ADAMTS6: variants seen among roughly 807,000 people sequenced by gnomAD.
The protein encoded by ADAMTS6 is ADAM metallopeptidase with thrombospondin type 1 motif 6, also known as A disintegrin and metalloproteinase with thrombospondin motifs 6.
In ADAMTS6, 23 loss-of-function variants were observed where a neutral mutation model predicts 144.3. The observed-to-expected ratio is 0.16, with a 90% CI of 0.11 to 0.23. The LOEUF is 0.23. Ranked by LOEUF, ADAMTS6 falls within the 10% of genes least tolerant of loss-of-function variation. The pLI is 1.00. For synonymous variants in ADAMTS6, 444 were observed against 457.5 expected, an observed-to-expected ratio of 0.97 and a Z score of 0.38; for missense variants, 999 against 1,379.6, an observed-to-expected ratio of 0.72 and a Z score of 4.37.
chr5:65,327,778 G>A (rs1231788070), intron 9 of ADAMTS6, among the ~76,000 whole-genome samples: 2 of 152,076 alleles, frequency 1.3e-5, no homozygotes, highest in Admixed American at 1.3e-4. Context: ...ATTTAAGTAC[G>A]TACATACAAG....
intron 12 of ADAMTS6, among the ~76,000 whole-genome samples, chr5:65,269,082 ACTCAT>A (rs1329990555): frequency 6.6e-6 from 1 of 152,112 alleles, no homozygotes. Flanking sequence ...AGACACACAA[ACTCAT>A]GCTTATACTC....
chr5:65,398,784 G>GAAAGAAAGAAAGA, intron 7 of ADAMTS6, among the ~76,000 whole-genome samples: 1 of 48,614 alleles, frequency 2.1e-5, no homozygotes, highest in South Asian at 9.2e-4. Flanking sequence ...GAGAGAGCAA[G>GAAAGAAAGAAAGA]AAAGAAAGAA....
At chr5:65,447,468 T>C (rs1758356857) in intron 7 of ADAMTS6, among the ~76,000 whole-genome samples, 1 of 152,102 alleles carries the variant, frequency 6.6e-6, no homozygotes, top group African/African-American at 2.4e-5. Context: ...CACACAATTT[T>C]TGTCAATTTA....
At chr5:65,319,675 G>A (rs1476999011) in intron 9 of ADAMTS6, among the ~76,000 whole-genome samples, 1 of 113,388 alleles carries the variant, frequency 8.8e-6, no homozygotes, top group Non-Finnish European at 1.8e-5. Context: ...AAAAGGAAGG[G>A]AGGGAGGGAG....
intron 7 of ADAMTS6, among the ~76,000 whole-genome samples, chr5:65,450,679 A>G (rs1205670282): frequency 6.6e-6 from 1 of 152,200 alleles, no homozygotes; most frequent in Non-Finnish European, 1.5e-5. Flanking sequence ...ATTAAAAACT[A>G]TAACAGATAG....
intron 11 of ADAMTS6, 44 bp downstream of exon 11, chr5:65,291,285 A>C (rs1411711235): frequency 6.4e-7 from 1 of 1,574,430 alleles, no homozygotes; most frequent in Non-Finnish European, 8.6e-7. Context: ...GTGTCATGGA[A>C]GAACACGTAT....
At chr5:65,423,283 T>C (rs928485316) in intron 7 of ADAMTS6, among the ~76,000 whole-genome samples, 3 of 152,168 alleles carry the variant, frequency 2.0e-5, no homozygotes, top group African/African-American at 7.2e-5. Context: ...AGTTCATCCA[T>C]GTAACCAAAA....
chr5:65,414,937 A>T (rs1755374813), intron 7 of ADAMTS6, among the ~76,000 whole-genome samples: 1 of 152,206 alleles, frequency 6.6e-6, no homozygotes, highest in Non-Finnish European at 1.5e-5. Context: ...ATGATTTCTG[A>T]GATATGACAC....
intron 9 of ADAMTS6, among the ~76,000 whole-genome samples, chr5:65,317,220 A>G (rs1163413389): frequency 6.6e-6 from 1 of 152,220 alleles, no homozygotes; most frequent in East Asian, 1.9e-4. Context: ...GGAGTTGTCA[A>G]CACTCCTCCC....
At chr5:65,312,880 T>C (rs1455648936) in intron 9 of ADAMTS6, among the ~76,000 whole-genome samples, 2 of 151,906 alleles carry the variant, frequency 1.3e-5, no homozygotes, top group African/African-American at 4.8e-5. Context: ...TATATAATAG[T>C]CATTGCAAAG....
intron 14 of ADAMTS6, among the ~76,000 whole-genome samples, chr5:65,256,981 CTCTCTTTT>C (rs1242551846): frequency 7.5e-6 from 1 of 132,704 alleles, no homozygotes; most frequent in African/African-American, 3.3e-5. Flanking sequence ...CTCTCTCTCT[CTCTCTTTT>C]TTTTTTTTTT....
At chr5:65,403,185 TTC>T (rs1209338302) in intron 7 of ADAMTS6, among the ~76,000 whole-genome samples, 1 of 152,128 alleles carries the variant, frequency 6.6e-6, no homozygotes, top group Non-Finnish European at 1.5e-5. Context: ...TTTCTCGTGA[TTC>T]TCTTTCTATC....
intron 12 of ADAMTS6, among the ~76,000 whole-genome samples, chr5:65,266,339 T>A (rs563923767): frequency 6.6e-6 from 1 of 151,984 alleles, no homozygotes; most frequent in Admixed American, 6.6e-5. Flanking sequence ...AAAGGCCTTA[T>A]ACTGCATAAA....
chr5:65,450,657 ATAAG>A (rs1758666805), intron 7 of ADAMTS6, among the ~76,000 whole-genome samples: 1 of 152,192 alleles, frequency 6.6e-6, no homozygotes, highest in Non-Finnish European at 1.5e-5. Context: ...CTAACCAATT[ATAAG>A]TAAGAGTATT....
intron 7 of ADAMTS6, among the ~76,000 whole-genome samples, chr5:65,381,529 A>ATTTTTTTTTT (rs748143650): frequency 1.9e-5 from 2 of 103,086 alleles, no homozygotes; most frequent in Non-Finnish European, 3.8e-5. Context: ...TGCCTGGCTA[A>ATTTTTTTTTT]TTTTTTTTTT....
chr5:65,470,006 G>T (rs752217280), intron 3 of ADAMTS6, among the ~76,000 whole-genome samples: 1 of 152,182 alleles, frequency 6.6e-6, no homozygotes, highest in Non-Finnish European at 1.5e-5. Context: ...TTTGAACTGT[G>T]TATTTACCAT....
At chr5:65,420,630 C>G (rs1330425784) in intron 7 of ADAMTS6, among the ~76,000 whole-genome samples, 1 of 150,962 alleles carries the variant, frequency 6.6e-6, no homozygotes, top group Admixed American at 6.6e-5. Flanking sequence ...ATCCATCTGC[C>G]TTGGCCTCCC....
intron 7 of ADAMTS6, among the ~76,000 whole-genome samples, chr5:65,381,180 CTCTT>C (rs1392490754): frequency 6.6e-6 from 1 of 152,138 alleles, no homozygotes; most frequent in Non-Finnish European, 1.5e-5. Context: ...TTGTCTCTCT[CTCTT>C]GTTCTCTCTT....
Position 65,291,370 on chromosome 5 carries a change from G to A in ADAMTS6, c.1471C>T (p.Arg491Cys). Residue 491 changes from arginine (R) to cysteine (C), a missense_variant, in exon 11 of 25, where the codon CGT (arginine) becomes TGT (cysteine). By Grantham distance (180) the Arg-to-Cys change is radical. This residue lies in a region of ADAMTS6 where 619 missense variants were observed against 837.0 expected (regional missense o/e 0.74). Transcript: ENST00000381055. ...CGGGAGGTTGCTCCATACTGGAAAC[G>A]ACATTGCTCATCAGCATCATACACC... is the stretch of plus-strand genomic sequence containing the variant. ...GQVYDADEQC[R>C]FQYGATSRQC... 4 of 1,613,914 alleles carry A rather than the reference G, an allele frequency of 2.5e-6. No homozygotes were observed. Among genetic ancestry groups the A allele is most frequent in the Non-Finnish European group, 3.4e-6 (4 of 1,179,918 alleles).
Sources: allele counts gnomAD v4.1 joint callset (sites outside exome capture counted in the v4.1 genomes callset), GRCh38; gene constraint gnomAD v4.1.1; regional missense constraint gnomAD v4.1.1; transcripts MANE v1.5; gene names NCBI Gene and HGNC (gene_info 2026-07-23, HGNC 2026-07-21).